CCDC88A: variants seen among roughly 807,000 people sequenced by gnomAD.
The protein encoded by CCDC88A is girdin.
In CCDC88A, 54 loss-of-function variants were observed where a neutral mutation model predicts 234.3. The observed-to-expected ratio is 0.23, with a 90% CI of 0.19 to 0.29. The LOEUF (loss-of-function observed/expected upper bound fraction) is 0.29, where lower values mean the gene tolerates loss of function less well. Ranked by LOEUF, CCDC88A falls within the 10% of genes least tolerant of loss-of-function variation. CCDC88A has a pLI of 1.00. For synonymous variants in CCDC88A, 753 were observed against 737.8 expected (o/e 1.02, Z -0.33); for missense variants, 1,832 against 2,123.4 (o/e 0.86, Z 2.70).
At chr2:55,341,447 C>G (rs1188380295) in intron 12 of CCDC88A, among the ~76,000 whole-genome samples, 1 of 127,676 alleles carries the variant, frequency 7.8e-6, no homozygotes, top group Non-Finnish European at 1.6e-5. Context: ...ACTCCCCGCC[C>G]CCTTTTTTTT....
chr2:55,356,761 A>G (rs1670640095), intron 7 of CCDC88A: 1 of 152,108 alleles, frequency 6.6e-6, no homozygotes, highest in Non-Finnish European at 1.5e-5. Flanking sequence ...GAAATCCCAC[A>G]TGTACTAAAA....
Position 55,332,793 on chromosome 2 carries a change from T to C in CCDC88A, c.2728-100A>G. On this transcript the variant is annotated intron_variant, in intron 15 of 32. Coordinates refer to ENST00000436346, the MANE Select transcript of CCDC88A (RefSeq NM_001365480.1). This position sits in a 1 kb window ranked among gnomAD's most constrained non-coding sequence, Gnocchi z 4.5. The stretch of plus-strand genomic sequence containing the variant: ...AATTACCACCATCTAGGAATACATG[T>C]AATTTGAACCAGGAAATGTCATTAA... 2.0e-6 allele frequency: 2 copies of C among 990,060 alleles called. No individual in the cohort carries two copies. The highest frequency in any genetic ancestry group is 3.0e-6 in the Non-Finnish European group (2 of 658,928). The allele number at this position is 990,060 out of a possible 1,614,324, so 61.3% of individuals were successfully genotyped here. A position where few individuals can be genotyped will look rare whatever the true frequency, so the allele number is the denominator to read the frequency against.
intron 5 of CCDC88A, among the ~76,000 whole-genome samples, chr2:55,366,571 ACACAC>A (rs1278154725): frequency 2.0e-3 from 265 of 134,324 alleles, no homozygotes; most frequent in African/African-American, 7.1e-3. Context: ...ACACACACAC[ACACAC>A]AAGATATGAT....
chr2:55,363,906 A>G (rs371920671), intron 6 of CCDC88A, 44 bp downstream of exon 6: 4 of 1,075,030 alleles, frequency 3.7e-6, no homozygotes, highest in Non-Finnish European at 5.6e-6. Flanking sequence ...TAAACACACC[A>G]CAAGCTTCAT....
chr2:55,346,358 T>G, intron 9 of CCDC88A, 25 bp from the exon 10 acceptor site: 1 of 1,377,776 alleles, frequency 7.3e-7, no homozygotes, highest in Non-Finnish European at 1.0e-6. Flanking sequence ...AAAATTATAT[T>G]TTAATTATTT....
At chr2:55,415,484 CCAA>C (rs1378033371) in intron 2 of CCDC88A, among the ~76,000 whole-genome samples, 2 of 152,276 alleles carry the variant, frequency 1.3e-5, no homozygotes, top group African/African-American at 4.8e-5. Flanking sequence ...AAGCATGAAT[CCAA>C]CAACTGCTCC....
intron 17 of CCDC88A, among the ~76,000 whole-genome samples, chr2:55,325,690 A>G (rs999221917): frequency 2.6e-5 from 4 of 152,154 alleles, no homozygotes; most frequent in South Asian, 2.1e-4. Flanking sequence ...TTATTCTCCA[A>G]TTATTGAGAG....
chr2:55,313,377 G>T (rs6726732), intron 22 of CCDC88A: 23,615 of 152,238 alleles, frequency 0.16, 5,039 homozygotes, highest in African/African-American at 0.48. Flanking sequence ...ATCCATTCAC[G>T]GTTTTCAAGA....
rs2104535006 is a variant in CCDC88A at position 55,291,175 on chromosome 2, T to C, written c.*36-11A>G. ...AGGACACTTTTCTCTCTGTATTTAG[T>C]TGGAAGGTAGAAAGAAGAAAGAAAA... On this transcript the variant is annotated splice_polypyrimidine_tract_variant and intron_variant, in intron 32 of 32. Coordinates refer to ENST00000436346, the MANE Select transcript of CCDC88A (RefSeq NM_001365480.1). 6.6e-6 allele frequency: 1 copy of C among 152,576 alleles called. No homozygotes were observed. Among genetic ancestry groups the C allele is most frequent in the African/African-American group, 2.4e-5 (1 of 41,544 alleles). The allele number at this position is 152,576 out of a possible 1,614,324, so 9.5% of individuals were successfully genotyped here. A position where few individuals can be genotyped will look rare whatever the true frequency, so the allele number is the denominator to read the frequency against.
At chr2:55,318,048 A>G (rs1301256933) in intron 19 of CCDC88A, among the ~76,000 whole-genome samples, 1 of 152,094 alleles carries the variant, frequency 6.6e-6, no homozygotes, top group Admixed American at 6.6e-5. Flanking sequence ...ATACATATGT[A>G]TGTGTGTATA....
chr2:55,357,360 CTCT>C (rs1670723000), intron 7 of CCDC88A, among the ~76,000 whole-genome samples: 1 of 146,536 alleles, frequency 6.8e-6, no homozygotes, highest in African/African-American at 2.7e-5. Context: ...CCCTCCTTCC[CTCT>C]CTATCTCTCT....
intron 3 of CCDC88A, among the ~76,000 whole-genome samples, chr2:55,378,254 ATC>A (rs757221015): frequency 7.9e-5 from 12 of 152,308 alleles, no homozygotes; most frequent in Non-Finnish European, 1.5e-4. Context: ...GATGAAAGCA[ATC>A]TCACACACTC....
At position 55,363,939 on chromosome 2, in the gene CCDC88A, T is replaced by C; in HGVS notation, c.486+11A>G. 6.7e-7 allele frequency: 1 copy of C among 1,498,562 alleles called. No individual in the cohort carries two copies. Among genetic ancestry groups the C allele is most frequent in the Non-Finnish European group, 9.2e-7 (1 of 1,083,012 alleles). 92.8% of individuals were successfully genotyped at this position (1,498,562 alleles called of 1,614,324 possible). A position where few individuals can be genotyped will look rare whatever the true frequency, so the allele number is the denominator to read the frequency against. ...CATAAATAGCACGTAAAATTGTATATATGTCATTACCTCTTGAATATGTGC... is the reference window on the plus strand; with the variant it reads ...CATAAATAGCACGTAAAATTGTATACATGTCATTACCTCTTGAATATGTGC... On this transcript the variant is annotated intron_variant, in intron 6 of 32. Transcript: ENST00000436346.
intron 3 of CCDC88A, among the ~76,000 whole-genome samples, chr2:55,384,251 T>A (rs1392182287): frequency 1.4e-5 from 2 of 141,102 alleles, no homozygotes; most frequent in Admixed American, 7.4e-5. Flanking sequence ...AAAATCCAGG[T>A]GGGGCAGAGG....
chr2:55,327,854 A>G (rs764347978), intron 17 of CCDC88A, among the ~76,000 whole-genome samples: 19 of 152,268 alleles, frequency 1.2e-4, no homozygotes, highest in Non-Finnish European at 2.2e-4. Flanking sequence ...TAGAAAAGAC[A>G]TCAAATTTAT....
chr2:55,316,164 G>T (rs897433816), intron 21 of CCDC88A, 50 bp from the exon 22 acceptor site: 4 of 768,080 alleles, frequency 5.2e-6, no homozygotes, highest in African/African-American at 3.6e-5. Context: ...AATAGCTTTT[G>T]GTGTAATTTA....
intron 31 of CCDC88A, chr2:55,292,537 T>A (rs1250428210): frequency 6.6e-6 from 1 of 152,220 alleles, no homozygotes; most frequent in African/African-American, 2.4e-5. Context: ...TCTAAGGTAT[T>A]TTCACCACTA....
chr2:55,342,485 C>G (rs1049143869), intron 12 of CCDC88A, among the ~76,000 whole-genome samples: 3 of 152,058 alleles, frequency 2.0e-5, no homozygotes, highest in African/African-American at 7.2e-5. Context: ...CTATTTTGTC[C>G]CCACTTAACA....
Position 55,317,478 on chromosome 2 carries a change from T to G in CCDC88A, c.3602+86A>C. 1 of 1,129,976 alleles carries G rather than the reference T, an allele frequency of 8.8e-7. No individual in the cohort carries two copies. The highest frequency in any genetic ancestry group is 1.2e-6 in the Non-Finnish European group (1 of 822,896). 70.0% of individuals were successfully genotyped at this position (1,129,976 alleles called of 1,614,324 possible). On this transcript the variant is annotated intron_variant, in intron 20 of 32. Coordinates refer to ENST00000436346, the MANE Select transcript of CCDC88A (RefSeq NM_001365480.1). The surrounding 1 kb of genome is among the most constrained non-coding windows in gnomAD (Gnocchi z 4.2). ...ATAAATTTCTTATGTAAACTAACAT[T>G]AGATGTGTTTAATATATAAAATTTA... is the stretch of plus-strand genomic sequence containing the variant.
Sources: gnomAD v4.1 joint callset for allele counts (sites outside exome capture counted in the v4.1 genomes callset) on GRCh38, gnomAD v4.1.1 for gene constraint, Gnocchi (gnomAD v3.1) non-coding constraint, MANE v1.5 for transcripts, NCBI Gene and HGNC (gene_info 2026-07-23, HGNC 2026-07-21) for gene names.